Variants in FRMD4A observed in about 807,000 individuals in gnomAD.
The protein encoded by FRMD4A is FERM domain containing 4A.
In FRMD4A, 29 loss-of-function variants were observed where a neutral mutation model predicts 129.1. The observed-to-expected ratio is 0.22, with a 90% CI of 0.17 to 0.31. FRMD4A has a LOEUF of 0.31. Among genes scored for constraint, FRMD4A ranks in the 10% least tolerant of loss-of-function variants. The pLI is 1.00. For synonymous variants in FRMD4A, 634 were observed against 571.6 expected (o/e 1.11, Z -1.56); for missense variants, 1,272 against 1,375.8 (o/e 0.92, Z 1.19).
At chr10:13,831,096 G>A (rs2093783371) in intron 3 of FRMD4A, among the ~76,000 whole-genome samples, 1 of 152,138 alleles carries the variant, frequency 6.6e-6, no homozygotes, top group Non-Finnish European at 1.5e-5. Flanking sequence ...GGCCAATTTT[G>A]CTTTTTAGAA....
chr10:13,831,445 T>G (rs1298823773), intron 3 of FRMD4A, among the ~76,000 whole-genome samples: 1 of 152,116 alleles, frequency 6.6e-6, no homozygotes, highest in Non-Finnish European at 1.5e-5. Context: ...CAAGGTCCTG[T>G]CTCTAAAACA....
chr10:14,101,447 A>C (rs925875843), intron 2 of FRMD4A, among the ~76,000 whole-genome samples: 2 of 152,194 alleles, frequency 1.3e-5, no homozygotes, highest in Non-Finnish European at 2.9e-5. Flanking sequence ...GATACTCACC[A>C]TTGGCTGAAA....
chr10:13,682,497 C>CTTTTTTTTT (rs1170963559), intron 15 of FRMD4A, among the ~76,000 whole-genome samples: 19 of 55,792 alleles, frequency 3.4e-4, no homozygotes, highest in Non-Finnish European at 5.3e-4. Flanking sequence ...TTCTTTCTTT[C>CTTTTTTTTT]TTTTTTTTTT....
At chr10:14,017,650 A>G (rs2095703401) in intron 2 of FRMD4A, among the ~76,000 whole-genome samples, 1 of 152,220 alleles carries the variant, frequency 6.6e-6, no homozygotes, top group African/African-American at 2.4e-5. Context: ...TCTTGGTTCA[A>G]GTAATCCCTC....
chr10:14,240,572 C>A (rs922839043), intron 2 of FRMD4A, among the ~76,000 whole-genome samples: 1 of 152,148 alleles, frequency 6.6e-6, no homozygotes, highest in African/African-American at 2.4e-5. Flanking sequence ...AGTCTATGCC[C>A]TGGAGATTCG....
At chr10:13,694,905 G>C (rs2086069834) in intron 14 of FRMD4A, among the ~76,000 whole-genome samples, 1 of 152,068 alleles carries the variant, frequency 6.6e-6, no homozygotes, top group Admixed American at 6.6e-5. Flanking sequence ...CAGGGTGCAT[G>C]ATTGTGGAAA....
At chr10:14,128,843 A>G (rs947451134) in intron 2 of FRMD4A, among the ~76,000 whole-genome samples, 3 of 151,844 alleles carry the variant, frequency 2.0e-5, no homozygotes, top group Non-Finnish European at 4.4e-5. Flanking sequence ...ACTTCCTTCC[A>G]TCTGCCCTAC....
chr10:14,158,135 T>C (rs969649292), intron 2 of FRMD4A, among the ~76,000 whole-genome samples: 1 of 150,366 alleles, frequency 6.7e-6, no homozygotes, highest in Non-Finnish European at 1.5e-5. Flanking sequence ...AGGTGGGGGG[T>C]GGGGGAAATC....
At chr10:13,744,085 A>C (rs997394938) in intron 9 of FRMD4A, among the ~76,000 whole-genome samples, 2 of 152,108 alleles carry the variant, frequency 1.3e-5, no homozygotes, top group African/African-American at 2.4e-5. Flanking sequence ...GGGATACATG[A>C]AATGCATGGG....
At chr10:14,215,095 T>A (rs1465820793) in intron 2 of FRMD4A, among the ~76,000 whole-genome samples, 1 of 152,172 alleles carries the variant, frequency 6.6e-6, no homozygotes, top group Admixed American at 6.5e-5. Flanking sequence ...TGACATGGCA[T>A]GAGAGTAGCC....
chr10:14,320,558 C>A (rs948756650), intron 2 of FRMD4A, among the ~76,000 whole-genome samples: 2 of 152,228 alleles, frequency 1.3e-5, no homozygotes, highest in African/African-American at 4.8e-5. Flanking sequence ...AGATCTCACA[C>A]ACCTGTCCCT....
At chr10:14,233,523 G>A (rs571075945) in intron 2 of FRMD4A, among the ~76,000 whole-genome samples, 7 of 152,336 alleles carry the variant, frequency 4.6e-5, no homozygotes, top group African/African-American at 7.2e-5. Flanking sequence ...GCAGTGAGCC[G>A]AGATTGTGCC....
chr10:14,330,126 TC>T lies in FRMD4A; in HGVS notation c.-25del. ...ATGGTCTCCGATTCCCATGCACGAATCCTGCTGCCGAGTCAGTCCTCCTGGG... is the reference window on the plus strand; with the variant it reads ...ATGGTCTCCGATTCCCATGCACGAATCTGCTGCCGAGTCAGTCCTCCTGGG... On this transcript the variant is annotated 5_prime_UTR_variant, in exon 2 of 25. Transcript: ENST00000357447. The T allele has an allele frequency of 3.2e-6, 5 of 1,551,338 alleles. No homozygotes were observed. The highest frequency in any genetic ancestry group is 4.4e-6 in the Non-Finnish European group (5 of 1,146,914).
chr10:13,671,988 C>T (rs915881326), intron 16 of FRMD4A, among the ~76,000 whole-genome samples: 1 of 152,266 alleles, frequency 6.6e-6, no homozygotes, highest in Non-Finnish European at 1.5e-5. Context: ...GGGCTGAGTG[C>T]CCAGCAGGCG....
At chr10:13,907,101 A>G (rs918038133) in intron 2 of FRMD4A, among the ~76,000 whole-genome samples, 2 of 152,162 alleles carry the variant, frequency 1.3e-5, no homozygotes, top group Non-Finnish European at 1.5e-5. Context: ...CTGCCGAAAA[A>G]TGATGGAGAA....
intron 2 of FRMD4A, among the ~76,000 whole-genome samples, chr10:13,916,243 T>C (rs181994078): frequency 4.2e-4 from 64 of 152,328 alleles, no homozygotes; most frequent in Non-Finnish European, 7.1e-4. Context: ...AGCTCCATCA[T>C]CTGCCTGGTC....
At chr10:14,024,956 T>C (rs1469889590) in intron 2 of FRMD4A, among the ~76,000 whole-genome samples, 7 of 152,254 alleles carry the variant, frequency 4.6e-5, no homozygotes, top group Non-Finnish European at 1.0e-4. Context: ...CCCACAGAAG[T>C]TGGCTGTGAC....
At chr10:14,004,030 G>A (rs944978852) in intron 2 of FRMD4A, among the ~76,000 whole-genome samples, 1 of 152,218 alleles carries the variant, frequency 6.6e-6, no homozygotes, top group Non-Finnish European at 1.5e-5. Flanking sequence ...CCATACAGAA[G>A]GATGTGGGCT....
intron 8 of FRMD4A, among the ~76,000 whole-genome samples, chr10:13,756,970 A>T (rs997001382): frequency 6.6e-6 from 1 of 152,336 alleles, no homozygotes; most frequent in Admixed American, 6.5e-5. Context: ...TAGTTTTTCT[A>T]TCATAACCCA....
Sources: gnomAD v4.1 joint callset for allele counts (sites outside exome capture counted in the v4.1 genomes callset) on GRCh38, gnomAD v4.1.1 for gene constraint, MANE v1.5 for transcripts, NCBI Gene and HGNC (gene_info 2026-07-23, HGNC 2026-07-21) for gene names.